Variants in PREP observed in about 807,000 individuals in gnomAD.
PREP encodes dJ355L5.1 (prolyl endopeptidase).
In PREP, 29 loss-of-function variants were observed where a neutral mutation model predicts 87.6. The observed-to-expected ratio is 0.33, with a 90% confidence interval of 0.25 to 0.45. The LOEUF (loss-of-function observed/expected upper bound fraction) is 0.45, where lower values mean the gene tolerates loss of function less well. PREP is among the 20% of genes least tolerant of loss of function. The pLI is 1.00. For missense variants in PREP, 695 were observed against 886.5 expected, an observed-to-expected ratio of 0.78 and a Z score of 2.74; for synonymous variants, 337 against 328.6, an observed-to-expected ratio of 1.03 and a Z score of -0.28.
At chr6:105,355,096 T>C (rs1772059047) in intron 6 of PREP, among the ~76,000 whole-genome samples, 1 of 150,544 alleles carries the variant, frequency 6.6e-6, no homozygotes, top group Non-Finnish European at 1.5e-5. Flanking sequence ...GTTGTAGTTT[T>C]TTTTTTTTTT....
At chr6:105,313,065 C>G (rs972592387) in intron 10 of PREP, among the ~76,000 whole-genome samples, 5 of 152,142 alleles carry the variant, frequency 3.3e-5, no homozygotes, top group Admixed American at 1.3e-4. Context: ...TACATTGAGT[C>G]AGCACAGAGG....
At chr6:105,310,007 A>C (rs1770729293) in intron 10 of PREP, among the ~76,000 whole-genome samples, 1 of 152,176 alleles carries the variant, frequency 6.6e-6, no homozygotes, top group South Asian at 2.1e-4. Context: ...CACAAAAGCT[A>C]TGGAAAGCCT....
In PREP at chr6:105,402,853, C is replaced by A. The variant is rs376223400; in HGVS notation, c.39G>T (p.Glu13Asp). The A allele has an allele frequency of 3.0e-5, 46 of 1,545,566 alleles. No homozygotes were observed. In the African/African-American group the frequency reaches 3.1e-4, roughly 10 times the overall value. The part of the protein sequence containing the change: ...SLQYPDVYRD[E>D]TAVQDYHGHK... ...CGGAGGCAGAGATACTTACGGCGGT[C>A]TCGTCGCGGTACACGTCGGGGTACT... Residue 13 changes from glutamate (E) to aspartate (D), a missense_variant, in exon 1 of 15, where the codon GAG becomes GAT. Around this residue, in one of 5 missense-constraint regions of PREP, gnomAD observed 517 missense variants for 620.3 expected, o/e 0.83. Transcript: ENST00000652536.
intron 10 of PREP, among the ~76,000 whole-genome samples, chr6:105,308,640 T>C (rs1270856253): frequency 6.6e-6 from 1 of 152,020 alleles, no homozygotes; most frequent in Admixed American, 6.5e-5. Context: ...GAGAGGAAGA[T>C]GGTCCAACAC....
At chr6:105,398,734 C>T (rs1773348699) in intron 1 of PREP, among the ~76,000 whole-genome samples, 1 of 152,130 alleles carries the variant, frequency 6.6e-6, no homozygotes, top group Non-Finnish European at 1.5e-5. Flanking sequence ...GTTTTCACCA[C>T]TCCTCAAGTG....
At chr6:105,330,086 G>C (rs768242214) in intron 8 of PREP, among the ~76,000 whole-genome samples, 20 of 152,240 alleles carry the variant, frequency 1.3e-4, no homozygotes, top group Non-Finnish European at 2.8e-4. Context: ...TCAAGAGGAA[G>C]TGTTGTTCAG....
At chr6:105,366,212 G>A (rs1422683843) in intron 6 of PREP, among the ~76,000 whole-genome samples, 1 of 152,136 alleles carries the variant, frequency 6.6e-6, no homozygotes, top group Non-Finnish European at 1.5e-5. Flanking sequence ...AGCCGAGACT[G>A]AGCCACCACA....
intron 11 of PREP, among the ~76,000 whole-genome samples, chr6:105,288,380 C>T (rs1290716492): frequency 6.6e-6 from 1 of 152,156 alleles, no homozygotes; most frequent in African/African-American, 2.4e-5. Flanking sequence ...GATGGAGTTT[C>T]GTTCTTGTTG....
intron 10 of PREP, among the ~76,000 whole-genome samples, chr6:105,315,042 G>A (rs1770832217): frequency 6.6e-6 from 1 of 152,200 alleles, no homozygotes; most frequent in African/African-American, 2.4e-5. Flanking sequence ...ATTGTTCTAA[G>A]CAGTAGGTCT....
At chr6:105,382,727 G>GGGGCAAGTGCCATTGGCAGGC (rs1277805508) in intron 2 of PREP, among the ~76,000 whole-genome samples, 4 of 152,190 alleles carry the variant, frequency 2.6e-5, no homozygotes, top group Non-Finnish European at 5.9e-5. Flanking sequence ...AGGGTGGGCT[G>GGGGCAAGTGCCATTGGCAGGC]GGGCAAGTGC....
chr6:105,374,461 C>T (rs894901701), intron 4 of PREP, among the ~76,000 whole-genome samples: 7 of 151,770 alleles, frequency 4.6e-5, no homozygotes, highest in East Asian at 1.9e-4. Flanking sequence ...TATTCTTTTA[C>T]GTGGAATTTC....
chr6:105,369,899 C>T (rs940591176), intron 5 of PREP, among the ~76,000 whole-genome samples: 1 of 152,134 alleles, frequency 6.6e-6, no homozygotes, highest in African/African-American at 2.4e-5. Context: ...ACACAGATGG[C>T]AAATAATCAT....
chr6:105,329,999 C>A (rs1328473843), intron 8 of PREP, among the ~76,000 whole-genome samples: 1 of 151,942 alleles, frequency 6.6e-6, no homozygotes, highest in African/African-American at 2.4e-5. Flanking sequence ...AAGGCCACAG[C>A]CAGGAATGAG....
rs1377480254 is a variant in PREP, at chr6:105,369,017, C to T, written c.603G>A (p.Glu201=). Residue 201 remains glutamate (E), a synonymous_variant, in exon 6 of 15, where the codon GAG becomes GAA. Transcript: ENST00000652536. ...PQQDGKSDGT[E]TSTNLHQKLY... is the part of the protein sequence containing the mutation. ...GCTTTTGGTGGAGATTGGTAGATGTCTCTGTGCCTGAAGGAGTTAAAAATG... is the reference window on the plus strand; with the variant it reads ...GCTTTTGGTGGAGATTGGTAGATGTTTCTGTGCCTGAAGGAGTTAAAAATG... The T allele has an allele frequency of 6.2e-7, 1 of 1,613,918 alleles. No individual in the cohort carries two copies. Among genetic ancestry groups the T allele is most frequent in the East Asian group, 2.2e-5 (1 of 44,864 alleles).
At chr6:105,335,075 A>G (rs1771444987) in intron 7 of PREP, among the ~76,000 whole-genome samples, 1 of 152,244 alleles carries the variant, frequency 6.6e-6, no homozygotes, top group Non-Finnish European at 1.5e-5. Context: ...GATCATCACT[A>G]AAGTAAATCT....
intron 5 of PREP, among the ~76,000 whole-genome samples, chr6:105,369,632 G>C (rs1210080871): frequency 6.6e-6 from 1 of 152,178 alleles, no homozygotes. Flanking sequence ...ACAGGAAAGA[G>C]AGCCTAGTAG....
chr6:105,337,192 G>T (rs1213976745), intron 7 of PREP, among the ~76,000 whole-genome samples: 1 of 152,150 alleles, frequency 6.6e-6, no homozygotes. Context: ...TCTCATGCTG[G>T]TGAATTTCTT....
intron 2 of PREP, among the ~76,000 whole-genome samples, chr6:105,384,151 C>T (rs1772922621): frequency 6.6e-6 from 1 of 152,110 alleles, no homozygotes; most frequent in Non-Finnish European, 1.5e-5. Context: ...GCTGGCCAAT[C>T]AGAATGTCCC....
rs749413064 is a variant in PREP at position 105,277,179 on chromosome 6, CAGT to C, written c.*962_*964del. Among the ~76,000 whole-genome samples, 824 of 143,658 alleles carry C rather than the reference CAGT, an allele frequency of 5.7e-3. 5 individuals carry two copies. Among genetic ancestry groups the C allele is most frequent in the Middle Eastern group, 0.033 (9 of 272 alleles). 94.2% of individuals were successfully genotyped at this position (143,658 alleles called of 152,430 possible). On this transcript the variant is annotated 3_prime_UTR_variant, in exon 15 of 15. Transcript: ENST00000652536. ...ACCAAAACTTTTTTTTTTTTTTTTC[CAGT>C]AAGTAAGTATGACTATTTCTATTTC...
Sources: gnomAD v4.1 joint callset for allele counts (sites outside exome capture counted in the v4.1 genomes callset) on GRCh38, gnomAD v4.1.1 for gene constraint, gnomAD v4.1.1 regional missense constraint, MANE v1.5 for transcripts, NCBI Gene and HGNC (gene_info 2026-07-23, HGNC 2026-07-21) for gene names.